The following BNC2 variants were observed in gnomAD, a reference collection of about 807,000 sequenced individuals.
The protein encoded by BNC2 is basonuclin zinc finger protein 2.
In BNC2, 20 loss-of-function variants were observed where a neutral mutation model predicts 76.3. The observed-to-expected ratio is 0.26, with a 90% CI of 0.18 to 0.38. The LOEUF is 0.38. Ranked by LOEUF, BNC2 falls within the 10% of genes least tolerant of loss-of-function variation. The probability of loss-of-function intolerance (pLI) is 1.00; values close to 1 mark genes in which losing one functional copy is unlikely to be tolerated. For missense variants in BNC2, 1,382 were observed against 1,399.8 expected, an observed-to-expected ratio of 0.99 and a Z score of 0.20; for synonymous variants, 582 against 514.8, an observed-to-expected ratio of 1.13 and a Z score of -1.77.
intron 1 of BNC2, among the ~76,000 whole-genome samples, chr9:16,758,200 T>C (rs539783202): frequency 6.6e-6 from 1 of 152,304 alleles, no homozygotes; most frequent in South Asian, 2.1e-4. Context: ...TATTCTTCCA[T>C]GGTCATCTCT....
At chr9:16,528,906 A>C (rs1414139966) in intron 5 of BNC2, among the ~76,000 whole-genome samples, 1 of 152,184 alleles carries the variant, frequency 6.6e-6, no homozygotes, top group Non-Finnish European at 1.5e-5. Flanking sequence ...GGCTTATAAC[A>C]ATGGAAACAT....
At chr9:16,762,655 A>G (rs1439753707) in intron 1 of BNC2, among the ~76,000 whole-genome samples, 1 of 152,208 alleles carries the variant, frequency 6.6e-6, no homozygotes, top group African/African-American at 2.4e-5. Context: ...TGTTCTCCAA[A>G]GTAACAGACA....
At chr9:16,668,973 G>T (rs1399018853) in intron 3 of BNC2, among the ~76,000 whole-genome samples, 1 of 152,116 alleles carries the variant, frequency 6.6e-6, no homozygotes, top group African/African-American at 2.4e-5. Context: ...GTGCTTTACT[G>T]TTCCTTCTGT....
chr9:16,809,677 C>T (rs1027785969), intron 1 of BNC2, among the ~76,000 whole-genome samples: 1 of 151,992 alleles, frequency 6.6e-6, no homozygotes, highest in Non-Finnish European at 1.5e-5. Flanking sequence ...ACTCGGGAGG[C>T]TGAGGCAGCA....
chr9:16,506,141 A>G (rs944598885), intron 5 of BNC2, among the ~76,000 whole-genome samples: 1 of 152,236 alleles, frequency 6.6e-6, no homozygotes, highest in Non-Finnish European at 1.5e-5. Flanking sequence ...TGGAAATTGT[A>G]GAAAAGTTTT....
At chr9:16,549,276 C>T (rs75614548) in intron 5 of BNC2, among the ~76,000 whole-genome samples, 2,206 of 152,246 alleles carry the variant, frequency 0.014, 55 homozygotes, top group African/African-American at 0.051. Context: ...TTCAACTTAC[C>T]GTACATCTTC....
intron 3 of BNC2, among the ~76,000 whole-genome samples, chr9:16,636,173 A>T (rs937928504): frequency 4.6e-5 from 7 of 152,208 alleles, no homozygotes; most frequent in African/African-American, 1.7e-4. Context: ...GTGAAATTAC[A>T]TTCGCATGTT....
At chr9:16,811,552 CA>C (rs1179927173) in intron 1 of BNC2, among the ~76,000 whole-genome samples, 800 of 58,040 alleles carry the variant, frequency 0.014, 5 homozygotes, top group African/African-American at 0.057. Flanking sequence ...AACTCCATCT[CA>C]AAAAAAAAAA....
chr9:16,822,690 C>A (rs374725812), intron 1 of BNC2, among the ~76,000 whole-genome samples: 3 of 152,104 alleles, frequency 2.0e-5, no homozygotes, highest in African/African-American at 7.2e-5. Context: ...AAATTCACAT[C>A]AGATTTTTTT....
intron 1 of BNC2, among the ~76,000 whole-genome samples, chr9:16,747,344 A>G (rs1446262559): frequency 5.3e-5 from 2 of 38,020 alleles, no homozygotes; most frequent in Non-Finnish European, 1.8e-4. Context: ...TTTATAAAAG[A>G]TACAATTAAC....
intron 1 of BNC2, among the ~76,000 whole-genome samples, chr9:16,758,924 G>A (rs2383007): frequency 0.81 from 122,979 of 151,782 alleles, 51,247 homozygotes; most frequent in Non-Finnish European, 0.91. Flanking sequence ...TAAAAATATT[G>A]TTTAAATTAT....
intron 6 of BNC2, chr9:16,429,228 T>A (rs1179388523): frequency 6.6e-6 from 1 of 152,214 alleles, no homozygotes; most frequent in Non-Finnish European, 1.5e-5. Context: ...TTCCTCTTAG[T>A]ACAACCACGA....
At chr9:16,788,195 C>A (rs1261223795) in intron 1 of BNC2, among the ~76,000 whole-genome samples, 2 of 152,168 alleles carry the variant, frequency 1.3e-5, no homozygotes, top group Non-Finnish European at 2.9e-5. Flanking sequence ...GATATTTTTA[C>A]GTTACCAGTG....
chr9:16,751,651 T>C (rs1825206167), intron 1 of BNC2, among the ~76,000 whole-genome samples: 1 of 25,076 alleles, frequency 4.0e-5, no homozygotes, highest in African/African-American at 9.1e-5. Flanking sequence ...TGTATGTGTG[T>C]ATATATATAT....
intron 1 of BNC2, among the ~76,000 whole-genome samples, chr9:16,765,341 A>G (rs11793056): frequency 0.46 from 69,385 of 152,102 alleles, 21,241 homozygotes; most frequent in Non-Finnish European, 0.69. Flanking sequence ...AAATATACAC[A>G]TAAGATTTAA....
chr9:16,752,750 C>A (rs141343774), intron 1 of BNC2, among the ~76,000 whole-genome samples: 1 of 152,186 alleles, frequency 6.6e-6, no homozygotes, highest in African/African-American at 2.4e-5. Context: ...AAAGAAAATA[C>A]AATAACTTGC....
intron 5 of BNC2, among the ~76,000 whole-genome samples, chr9:16,531,441 T>C (rs1587138417): frequency 6.6e-6 from 1 of 152,056 alleles, no homozygotes; most frequent in Non-Finnish European, 1.5e-5. Context: ...GAGAAGTTTT[T>C]CTTTCATTTA....
At position 16,794,913 on chromosome 9, in the gene BNC2, C is replaced by T. The variant is rs186573756; in HGVS notation, c.4-56428G>A. Among the ~76,000 whole-genome samples, 212 of 151,974 alleles carry T rather than the reference C, an allele frequency of 1.4e-3. 1 individual carries two copies. The highest frequency in any genetic ancestry group is 5.0e-3 in the African/African-American group (206 of 41,448). On this transcript the variant is annotated intron_variant, in intron 1 of 6. Coordinates refer to ENST00000380672, the MANE Select transcript of BNC2 (RefSeq NM_017637.6). Reference sequence around the variant, plus strand: ...TATCTGATGGGGGAAAAAAAAAACCCATGCAAGATATATTCCTATATTTGG... The same window carrying T: ...TATCTGATGGGGGAAAAAAAAAACCTATGCAAGATATATTCCTATATTTGG...
At chr9:16,585,554 C>G (rs1819744566) in intron 3 of BNC2, among the ~76,000 whole-genome samples, 1 of 152,050 alleles carries the variant, frequency 6.6e-6, no homozygotes, top group Admixed American at 6.6e-5. Flanking sequence ...ACAATATGGT[C>G]TAAATAAATA....
Sources: allele counts gnomAD v4.1 joint callset (sites outside exome capture counted in the v4.1 genomes callset), GRCh38; gene constraint gnomAD v4.1.1; transcripts MANE v1.5; gene names NCBI Gene and HGNC (gene_info 2026-07-23, HGNC 2026-07-21).